Variants in NDUFAF6 observed in about 807,000 individuals in gnomAD.
NDUFAF6 encodes NADH:ubiquinone oxidoreductase complex assembly factor 6.
A neutral mutation model predicts 40.8 loss-of-function variants in NDUFAF6; 45 were observed. The ratio of observed to expected loss-of-function variants is 1.10; its 90% CI spans 0.87 to 1.42. The LOEUF is 1.42. NDUFAF6 is among the 40% of genes most tolerant of loss of function. NDUFAF6 has a pLI of 0.00. For missense variants in NDUFAF6, 435 were observed against 418.5 expected (o/e 1.04, Z -0.34); for synonymous variants, 185 against 155.9 (o/e 1.19, Z -1.39).
chr8:94,904,309 A>G lies in NDUFAF6; in HGVS notation c.-936+8382A>G, dbSNP rs1365221073. Among the ~76,000 whole-genome samples, 5 of 70,534 alleles carry G rather than the reference A, an allele frequency of 7.1e-5. No homozygotes were observed. In the Admixed American group the frequency reaches 7.7e-4, roughly 11 times the overall value. The allele number at this position is 70,534 out of a possible 152,430, so 46.3% of individuals were successfully genotyped here. On this transcript the variant is annotated intron_variant, in intron 1 of 14. Coordinates refer to the NDUFAF6 transcript ENST00000396113. ...CAGGCACCCACCATCACACCTGGCT[A>G]ATTTTTTTTGCTTTTTTTTTTTTTT...
intron 1 of NDUFAF6, among the ~76,000 whole-genome samples, chr8:94,904,137 GT>G (rs1471170178): frequency 2.0e-5 from 3 of 151,102 alleles, no homozygotes; most frequent in African/African-American, 7.3e-5. Context: ...TGTTTTTGTG[GT>G]TTTTTTGTTT....
chr8:95,015,239 G>A (rs982295127), intron 2 of NDUFAF6, among the ~76,000 whole-genome samples: 2 of 152,126 alleles, frequency 1.3e-5, no homozygotes, highest in African/African-American at 4.8e-5. Flanking sequence ...CATACAGAGT[G>A]GTTCTTGGTT....
At chr8:94,936,255 A>T (rs1186304433) in intron 1 of NDUFAF6, among the ~76,000 whole-genome samples, 2 of 152,242 alleles carry the variant, frequency 1.3e-5, no homozygotes, top group Non-Finnish European at 2.9e-5. Flanking sequence ...TTAGGAGGGC[A>T]GTGCCCAGAA....
At chr8:95,106,676 A>G (rs1317316767), downstream of NDUFAF6, among the ~76,000 whole-genome samples, 1 of 152,218 alleles carries the variant, frequency 6.6e-6, no homozygotes, top group African/African-American at 2.4e-5. Context: ...AAAAGAAACT[A>G]CCATCAGAGT....
At chr8:94,934,066 A>T (rs1428434841) in intron 1 of NDUFAF6, among the ~76,000 whole-genome samples, 1 of 151,898 alleles carries the variant, frequency 6.6e-6, no homozygotes, top group African/African-American at 2.4e-5. Context: ...AACAAGAGTG[A>T]AACTCTGTCT....
intron 9 of NDUFAF6, among the ~76,000 whole-genome samples, chr8:95,072,563 GA>G (rs1167036075): frequency 1.3e-5 from 2 of 152,220 alleles, no homozygotes; most frequent in Non-Finnish European, 2.9e-5. Context: ...TTGGAACCCT[GA>G]CCAGCATTTT....
At chr8:95,034,471 C>T (rs886431611) in intron 2 of NDUFAF6, among the ~76,000 whole-genome samples, 2 of 152,066 alleles carry the variant, frequency 1.3e-5, no homozygotes, top group Admixed American at 1.3e-4. Context: ...TCATGTATTA[C>T]ATTTAGTTTT....
intron 1 of NDUFAF6, among the ~76,000 whole-genome samples, chr8:94,967,551 A>G (rs1356393348): frequency 6.6e-6 from 1 of 152,068 alleles, no homozygotes; most frequent in Non-Finnish European, 1.5e-5. Context: ...AACAGCAAGT[A>G]TTTATTATTT....
intron 2 of NDUFAF6, among the ~76,000 whole-genome samples, chr8:94,998,929 G>GGTGTGTGTGTGTGTGTGTGTGT: frequency 6.6e-6 from 1 of 151,028 alleles, no homozygotes; most frequent in African/African-American, 2.4e-5. Context: ...TGGAGAGCAG[G>GGTGTGTGTGTGTGTGTGTGTGT]GTGTGTGTGT....
At chr8:94,918,848 T>C (rs1170257937) in intron 1 of NDUFAF6, among the ~76,000 whole-genome samples, 1 of 152,254 alleles carries the variant, frequency 6.6e-6, no homozygotes, top group Non-Finnish European at 1.5e-5. Context: ...GCTGACCAAC[T>C]GATACAATTC....
intron 1 of NDUFAF6, among the ~76,000 whole-genome samples, chr8:95,026,661 T>C (rs1828174972): frequency 6.6e-6 from 1 of 152,198 alleles, no homozygotes; most frequent in African/African-American, 2.4e-5. Flanking sequence ...GTTGCCAGAG[T>C]ATACCACCCA....
chr8:95,114,054 C>G (rs989756674), intron 4 of NDUFAF6, among the ~76,000 whole-genome samples: 3 of 151,266 alleles, frequency 2.0e-5, no homozygotes, highest in African/African-American at 7.3e-5. Context: ...ATACCTAATG[C>G]TAGATGACGA....
At chr8:95,089,194 G>C (rs1264802522) in intron 2 of NDUFAF6, among the ~76,000 whole-genome samples, 1 of 152,046 alleles carries the variant, frequency 6.6e-6, no homozygotes, top group Non-Finnish European at 1.5e-5. Context: ...TTGAGTAGCT[G>C]GGACTACAGG....
intron 1 of NDUFAF6, among the ~76,000 whole-genome samples, chr8:94,980,578 G>A (rs1825354132): frequency 7.3e-6 from 1 of 136,664 alleles, no homozygotes. Flanking sequence ...TGAATAGCTG[G>A]GATTATAGGT....
Position 95,049,148 on chromosome 8 carries a change from C to T in NDUFAF6, c.816+590C>T, listed in dbSNP as rs531667212. ...TCCTGCCCACTCTAATAAACAATCA[C>T]GAGTTTGGCAGTTCTCCTTATTGCC... On this transcript the variant is annotated intron_variant, in intron 7 of 8. Transcript: ENST00000396124. 9.2e-5 allele frequency among the ~76,000 whole-genome samples: 14 copies of T among 152,240 alleles called. No individual in the cohort carries two copies. The East Asian group carries it at 1.3e-3, about 15-fold the overall frequency.
chr8:95,108,504 TC>T (rs1809905717), intron 4 of NDUFAF6, among the ~76,000 whole-genome samples: 1 of 152,072 alleles, frequency 6.6e-6, no homozygotes, highest in Admixed American at 6.5e-5. Flanking sequence ...TGAAGAATAG[TC>T]AAATACCTAG....
At chr8:94,930,812 G>C in intron 1 of NDUFAF6, 1 of 1,456,104 alleles carries the variant, frequency 6.9e-7, no homozygotes, top group Non-Finnish European at 9.2e-7. Flanking sequence ...AATTCAATTT[G>C]CCACGCTAAT....
At chr8:94,909,499 G>A (rs190798011) in intron 1 of NDUFAF6, among the ~76,000 whole-genome samples, 18 of 151,646 alleles carry the variant, frequency 1.2e-4, no homozygotes, top group Non-Finnish European at 1.9e-4. Flanking sequence ...GGTAGTGGGC[G>A]TCTGTAATCC....
chr8:95,035,934 T>C lies in NDUFAF6; in HGVS notation c.420+358T>C, dbSNP rs553250924. Among the ~76,000 whole-genome samples the C allele has an allele frequency of 2.3e-3, 352 of 152,348 alleles. 2 individuals carry two copies. The highest frequency in any genetic ancestry group is 4.0e-3 in the Non-Finnish European group (270 of 68,032). ...GCCTAGCAGCAGCTCCTTATACCAG[T>C]GTTTTAATCCAGGTTTTGGGCATAC... On this transcript the variant is annotated intron_variant, in intron 3 of 8. Transcript: ENST00000396124.
Sources: gnomAD v4.1 joint callset for allele counts (sites outside exome capture counted in the v4.1 genomes callset) on GRCh38, gnomAD v4.1.1 for gene constraint, MANE v1.5 for transcripts, NCBI Gene and HGNC (gene_info 2026-07-23, HGNC 2026-07-21) for gene names.